Variants in RUBCN observed in about 807,000 individuals in gnomAD.
RUBCN encodes rubicon autophagy regulator.
Under a neutral mutation model 113.2 loss-of-function variants are expected in RUBCN, and 74 were observed. The ratio of observed to expected loss-of-function variants is 0.65; its 90% confidence interval spans 0.54 to 0.79. RUBCN has a LOEUF of 0.79. Ranked by LOEUF, RUBCN falls within the 30% of genes least tolerant of loss-of-function variation. The pLI, the probability that RUBCN is intolerant of heterozygous loss-of-function variation, is 0.00. For synonymous variants in RUBCN, 480 were observed against 490.0 expected, an observed-to-expected ratio of 0.98 and a Z score of 0.27; for missense variants, 1,109 against 1,251.7, an observed-to-expected ratio of 0.89 and a Z score of 1.72.
chr3:197,741,695 C>T (rs1169679559), upstream of RUBCN, among the ~76,000 whole-genome samples: 3 of 151,780 alleles, frequency 2.0e-5, no homozygotes, highest in East Asian at 2.0e-4. Context: ...TGGTGGTGGG[C>T]GCCTGTAATC....
intron 11 of RUBCN, among the ~76,000 whole-genome samples, chr3:197,689,465 G>A (rs1226483639): frequency 6.6e-6 from 1 of 152,170 alleles, no homozygotes; most frequent in African/African-American, 2.4e-5. Context: ...CTGCCTGGTG[G>A]TGAGTGCAGA....
chr3:197,680,589 T>C (rs1721105442), intron 16 of RUBCN, among the ~76,000 whole-genome samples: 1 of 152,246 alleles, frequency 6.6e-6, no homozygotes, highest in South Asian at 2.1e-4. Context: ...CAGACTGTCC[T>C]ATGCTCTAAC....
chr3:197,724,606 G>A (rs891803658), intron 1 of RUBCN, among the ~76,000 whole-genome samples: 2 of 152,174 alleles, frequency 1.3e-5, no homozygotes, highest in African/African-American at 4.8e-5. Context: ...AAGTCAGGTT[G>A]TCCCAAGTCA....
intron 5 of RUBCN, among the ~76,000 whole-genome samples, chr3:197,702,829 T>C (rs1287786169): frequency 2.6e-5 from 4 of 151,982 alleles, no homozygotes; most frequent in Non-Finnish European, 5.9e-5. Flanking sequence ...CTTTGTACTA[T>C]AAAATTTTCT....
intron 7 of RUBCN, among the ~76,000 whole-genome samples, chr3:197,698,829 C>CAAAAAAAAAAAAAAAAA (rs113975138): frequency 3.2e-5 from 1 of 31,114 alleles, no homozygotes; most frequent in African/African-American, 1.0e-4. Context: ...CCTGTCTCTA[C>CAAAAAAAAAAAAAAAAA]AAAAAAAAAA....
chr3:197,671,188 T>C lies in RUBCN; in HGVS notation c.*3830A>G, dbSNP rs1719757696. ...TGCCACCATGCCTGGCTAATTTTTA[T>C]ATTTTTGTAGAGATGAGGTTTTGTG... On this transcript the variant is annotated 3_prime_UTR_variant, in exon 20 of 20. Transcript: ENST00000296343. Among the ~76,000 whole-genome samples, 1 of 152,098 alleles carries C rather than the reference T, an allele frequency of 6.6e-6. No homozygotes were observed. Among genetic ancestry groups the C allele is most frequent in the Non-Finnish European group, 1.5e-5 (1 of 68,018 alleles).
intron 11 of RUBCN, among the ~76,000 whole-genome samples, chr3:197,686,208 T>C (rs1721816274): frequency 1.3e-5 from 2 of 152,158 alleles, no homozygotes; most frequent in African/African-American, 4.8e-5. Flanking sequence ...ATTGCCTTCA[T>C]AAAACTATTT....
upstream of RUBCN, among the ~76,000 whole-genome samples, chr3:197,740,367 G>A (rs939336075): frequency 6.6e-6 from 1 of 151,720 alleles, no homozygotes. Context: ...TACTCGGGAG[G>A]CTGAGCCAGG....
upstream of RUBCN, among the ~76,000 whole-genome samples, chr3:197,741,166 G>A (rs1728511609): frequency 6.6e-6 from 1 of 152,114 alleles, no homozygotes; most frequent in East Asian, 1.9e-4. Flanking sequence ...GTATGGTTTT[G>A]TTTTCTTATG....
chr3:197,740,648 T>G (rs1186206748), upstream of RUBCN, among the ~76,000 whole-genome samples: 1 of 151,280 alleles, frequency 6.6e-6, no homozygotes, highest in Admixed American at 6.6e-5. Flanking sequence ...TGAGACAGAG[T>G]CTTGCTGTGT....
rs1488310875 is a variant in RUBCN at position 197,670,675 on chromosome 3, T to C, written c.*4343A>G. 6.6e-6 allele frequency among the ~76,000 whole-genome samples: 1 copy of C among 152,262 alleles called. No homozygotes were observed. The highest frequency in any genetic ancestry group is 2.4e-5 in the African/African-American group (1 of 41,472). On this transcript the variant is annotated 3_prime_UTR_variant, in exon 20 of 20. Coordinates refer to ENST00000296343, the MANE Select transcript of RUBCN (RefSeq NM_014687.4). ...CAACTTCAGCAGTCTTTCACATGGC[T>C]TTTTCATTCTCCTCTCAGTTTAATT... is the stretch of plus-strand genomic sequence containing the variant.
Position 197,673,521 on chromosome 3 carries a change from T to C in RUBCN, c.*1497A>G, listed in dbSNP as rs1719990754. Reference sequence around the variant, plus strand: ...CCCAGAACAAAAATGATGCAGGCTTTAGTTCACAGAGCTGCCAGCTCTTGG... The same window carrying C: ...CCCAGAACAAAAATGATGCAGGCTTCAGTTCACAGAGCTGCCAGCTCTTGG... On this transcript the variant is annotated 3_prime_UTR_variant, in exon 20 of 20. Coordinates refer to ENST00000296343, the MANE Select transcript of RUBCN (RefSeq NM_014687.4). 6.6e-6 allele frequency: 1 copy of C among 152,266 alleles called. No individual in the cohort carries two copies. The highest frequency in any genetic ancestry group is 1.5e-5 in the Non-Finnish European group (1 of 68,096). The allele number at this position is 152,266 out of a possible 1,614,324, so 9.4% of individuals were successfully genotyped here.
chr3:197,696,803 CG>C, intron 8 of RUBCN, 150 bp downstream of exon 8: 1 of 639,400 alleles, frequency 1.6e-6, no homozygotes, highest in Non-Finnish European at 2.9e-6. Flanking sequence ...ATTTCTAGCA[CG>C]GGGGTTAAAA....
Position 197,681,455 on chromosome 3 carries a change from G to T in RUBCN, c.2192-88C>A. ...GCTCTGCTTTTCCCTTGAAAGGGCA[G>T]AGAGGGACAGCCAATGGCCTCCAGC... On this transcript the variant is annotated intron_variant, in intron 15 of 19. Coordinates refer to ENST00000296343, the MANE Select transcript of RUBCN (RefSeq NM_014687.4). This position sits in a 1 kb window ranked among gnomAD's most constrained non-coding sequence, Gnocchi z 5.5. 9.9e-7 allele frequency: 1 copy of T among 1,010,462 alleles called. No homozygotes were observed. Among genetic ancestry groups the T allele is most frequent in the Non-Finnish European group, 1.5e-6 (1 of 648,534 alleles). 62.6% of individuals were successfully genotyped at this position (1,010,462 alleles called of 1,614,324 possible).
chr3:197,697,894 T>C (rs1315049879), intron 7 of RUBCN, among the ~76,000 whole-genome samples: 1 of 152,084 alleles, frequency 6.6e-6, no homozygotes, highest in Non-Finnish European at 1.5e-5. Flanking sequence ...TCACAAAAAA[T>C]GCTACTCTGT....
intron 1 of RUBCN, 60 bp from the exon 2 acceptor site, chr3:197,718,190 T>A: frequency 1.3e-6 from 2 of 1,599,882 alleles, no homozygotes; most frequent in Non-Finnish European, 1.7e-6. Context: ...ATCCTGATCA[T>A]ATCAAAGAAA....
intron 11 of RUBCN, 65 bp downstream of exon 11, chr3:197,693,650 G>A: frequency 1.8e-6 from 2 of 1,100,032 alleles, no homozygotes; most frequent in South Asian, 2.5e-5. Flanking sequence ...ACACTTCGCA[G>A]CTTATCATTC....
rs1719831322 is a variant in RUBCN at position 197,671,949 on chromosome 3, T to A, written c.*3069A>T. The A allele has an allele frequency of 6.6e-6, 1 of 152,220 alleles. No individual in the cohort carries two copies. Among genetic ancestry groups the A allele is most frequent in the Non-Finnish European group, 1.5e-5 (1 of 68,028 alleles). The allele number at this position is 152,220 out of a possible 1,614,324, so 9.4% of individuals were successfully genotyped here. On this transcript the variant is annotated 3_prime_UTR_variant, in exon 20 of 20. Coordinates refer to ENST00000296343, the MANE Select transcript of RUBCN (RefSeq NM_014687.4). ...ATGTTCAGATATACCTGCTTTACAG[T>A]GGACACATGCCATTTCTTGACAGTC...
rs1007546635 is a variant in RUBCN, at chr3:197,669,467, G to T, written c.*5551C>A. On this transcript the variant is annotated 3_prime_UTR_variant, in exon 20 of 20. Coordinates refer to ENST00000296343, the MANE Select transcript of RUBCN (RefSeq NM_014687.4). ...TGCTCCTGTGTTTATGTTGTTTGTT[G>T]TTTTTCTCATGATTAGACTGAGGTT... 6.6e-6 allele frequency among the ~76,000 whole-genome samples: 1 copy of T among 152,148 alleles called. No individual in the cohort carries two copies. The highest frequency in any genetic ancestry group is 1.5e-5 in the Non-Finnish European group (1 of 68,018).
Sources: allele counts gnomAD v4.1 joint callset (sites outside exome capture counted in the v4.1 genomes callset), GRCh38; gene constraint gnomAD v4.1.1; non-coding constraint Gnocchi (gnomAD v3.1); transcripts MANE v1.5; gene names NCBI Gene and HGNC (gene_info 2026-07-23, HGNC 2026-07-21).